CMIP: variants seen among roughly 807,000 people sequenced by gnomAD.
CMIP encodes the protein c-Maf inducing protein.
A neutral mutation model predicts 97.3 loss-of-function variants in CMIP; 13 were observed. That is an observed-to-expected ratio of 0.13 (90% confidence interval 0.09 to 0.21). The LOEUF is 0.21. CMIP is among the 10% of genes least tolerant of loss of function. The pLI is 1.00. For missense variants in CMIP, 847 were observed against 1,024.9 expected (o/e 0.83, Z 2.37); for synonymous variants, 538 against 436.3 (o/e 1.23, Z -2.91).
At chr16:81,491,253 A>G (rs954211735) in intron 1 of CMIP, among the ~76,000 whole-genome samples, 1 of 152,180 alleles carries the variant, frequency 6.6e-6, no homozygotes, top group African/African-American at 2.4e-5. Flanking sequence ...TGGCCTTACA[A>G]GAGCCTGGTG....
intron 1 of CMIP, among the ~76,000 whole-genome samples, chr16:81,558,223 G>A (rs1597557610): frequency 1.3e-5 from 2 of 152,100 alleles, no homozygotes; most frequent in Admixed American, 6.5e-5. Flanking sequence ...TCCACCTCTC[G>A]GCCGTTAGAG....
At position 81,550,669 on chromosome 16, in the gene CMIP, A is replaced by G. The variant is rs1336878880; in HGVS notation, c.301-56898A>G. Among the ~76,000 whole-genome samples, 3 of 152,174 alleles carry G rather than the reference A, an allele frequency of 2.0e-5. 1 individual carries two copies. The highest frequency in any genetic ancestry group is 4.8e-5 in the African/African-American group (2 of 41,420). ...TGTGCTTCTGGAATCTACCTGATCA[A>G]TTAGAAACTACTAGAAGGCTGAAGT... On this transcript the variant is annotated intron_variant, in intron 1 of 20. Transcript: ENST00000537098.
chr16:81,532,502 G>A (rs2150824860), intron 1 of CMIP, among the ~76,000 whole-genome samples: 1 of 152,240 alleles, frequency 6.6e-6, no homozygotes, highest in Middle Eastern at 3.4e-3. Flanking sequence ...AATCCCGGGG[G>A]TCGCCCTGAG....
intron 1 of CMIP, among the ~76,000 whole-genome samples, chr16:81,457,855 G>A (rs543770553): frequency 9.8e-5 from 15 of 152,308 alleles, no homozygotes; most frequent in Middle Eastern, 3.4e-3. Context: ...GCCAAGAGCC[G>A]GTGGGCCACG....
intron 1 of CMIP, among the ~76,000 whole-genome samples, chr16:81,456,025 C>T (rs542377505): frequency 1.3e-5 from 2 of 152,338 alleles, no homozygotes; most frequent in Admixed American, 6.5e-5. Flanking sequence ...CAGGTCTGCC[C>T]ATTGGAAAGG....
chr16:81,530,286 G>T (rs745960143), intron 1 of CMIP, among the ~76,000 whole-genome samples: 1 of 152,168 alleles, frequency 6.6e-6, no homozygotes, highest in Non-Finnish European at 1.5e-5. Flanking sequence ...AATGTGATTT[G>T]AGTAGAGTCC....
At chr16:81,530,338 A>T (rs1208745229) in intron 1 of CMIP, among the ~76,000 whole-genome samples, 1 of 152,160 alleles carries the variant, frequency 6.6e-6, no homozygotes, top group South Asian at 2.1e-4. Flanking sequence ...GTGGATCCGG[A>T]TCCCTCAGGG....
intron 10 of CMIP, among the ~76,000 whole-genome samples, chr16:81,690,415 G>T (rs1905922270): frequency 6.6e-6 from 1 of 152,178 alleles, no homozygotes; most frequent in Non-Finnish European, 1.5e-5. Context: ...TCAACTCTTA[G>T]AAAAGAAGAA....
intron 7 of CMIP, 102 bp from the exon 8 acceptor site, chr16:81,670,040 C>T (rs576627719): frequency 1.8e-6 from 2 of 1,111,594 alleles, no homozygotes; most frequent in South Asian, 3.0e-5. Context: ...TCAACAGCTC[C>T]AGGCAGAGCT....
chr16:81,459,628 C>A (rs550970715), intron 1 of CMIP, among the ~76,000 whole-genome samples: 1 of 152,084 alleles, frequency 6.6e-6, no homozygotes, highest in Non-Finnish European at 1.5e-5. Flanking sequence ...ATTTTCTAAA[C>A]GATATTGCCC....
At chr16:81,584,499 CCTT>C (rs1023845689) in intron 1 of CMIP, among the ~76,000 whole-genome samples, 1 of 152,138 alleles carries the variant, frequency 6.6e-6, no homozygotes, top group Non-Finnish European at 1.5e-5. Flanking sequence ...GTAAAATCAT[CCTT>C]CTTTTTGTCA....
At chr16:81,610,364 C>G (rs764086939) in intron 2 of CMIP, 1 of 985,462 alleles carries the variant, frequency 1.0e-6, no homozygotes, top group Non-Finnish European at 1.2e-6. Flanking sequence ...ATCCCACTTG[C>G]TCACTGCCCC....
intron 1 of CMIP, among the ~76,000 whole-genome samples, chr16:81,528,118 T>C (rs948569010): frequency 6.6e-6 from 1 of 152,236 alleles, no homozygotes. Flanking sequence ...TTAGCCATTT[T>C]GGTGGGTATA....
intron 10 of CMIP, among the ~76,000 whole-genome samples, chr16:81,686,858 G>A (rs1905451241): frequency 6.6e-6 from 1 of 152,214 alleles, no homozygotes; most frequent in Non-Finnish European, 1.5e-5. Context: ...CAGTGTATCT[G>A]TGGTGAGTCG....
In CMIP at chr16:81,624,475, C is replaced by T. The variant is rs12443583; in HGVS notation, c.477+3549C>T. Among the ~76,000 whole-genome samples, 884 of 146,702 alleles carry T rather than the reference C, an allele frequency of 6.0e-3. 14 individuals are homozygous for T. The highest frequency in any genetic ancestry group is 0.032 in the East Asian group (155 of 4,896). ...GCCACTTCCAGCCTGGGCGAAAGTG[C>T]GAGACTCCGTCTCAAAAAAAAAAAA... On this transcript the variant is annotated intron_variant, in intron 3 of 20. Transcript: ENST00000537098.
chr16:81,456,247 GTA>G (rs1179591918), intron 1 of CMIP, among the ~76,000 whole-genome samples: 1 of 152,220 alleles, frequency 6.6e-6, no homozygotes, highest in Non-Finnish European at 1.5e-5. Flanking sequence ...GGACCGCGGG[GTA>G]ATCATGACCA....
At chr16:81,556,211 C>G (rs1311365981) in intron 1 of CMIP, among the ~76,000 whole-genome samples, 4 of 151,960 alleles carry the variant, frequency 2.6e-5, no homozygotes, top group Admixed American at 2.0e-4. Flanking sequence ...CTGTTCTAGC[C>G]CGGGTGGGGT....
chr16:81,676,946 T>G (rs1904338404), intron 9 of CMIP, among the ~76,000 whole-genome samples: 1 of 152,192 alleles, frequency 6.6e-6, no homozygotes, highest in Non-Finnish European at 1.5e-5. Flanking sequence ...AGCAGCTGTT[T>G]TCAATCGTGC....
At chr16:81,701,829 C>T (rs766441680) in intron 16 of CMIP, 29 bp downstream of exon 16, 4 of 1,612,200 alleles carry the variant, frequency 2.5e-6, no homozygotes, top group Non-Finnish European at 3.4e-6. Flanking sequence ...CGGACCACTC[C>T]CCTGCCCAGC....
Sources: allele counts gnomAD v4.1 joint callset (sites outside exome capture counted in the v4.1 genomes callset), GRCh38; gene constraint gnomAD v4.1.1; transcripts MANE v1.5; gene names NCBI Gene and HGNC (gene_info 2026-07-23, HGNC 2026-07-21).